Variants in SGCG observed in about 807,000 individuals in gnomAD.
SGCG encodes gamma-sarcoglycan.
Under a neutral mutation model 29.3 loss-of-function variants are expected in SGCG, and 26 were observed. The observed-to-expected ratio is 0.89, with a 90% CI of 0.65 to 1.23. The LOEUF is 1.23. Among genes scored for constraint, SGCG ranks in the 50% most tolerant of loss-of-function variants. SGCG has a pLI of 0.00. For missense variants in SGCG, 353 were observed against 356.0 expected, an observed-to-expected ratio of 0.99 and a Z score of 0.07; for synonymous variants, 145 against 129.7, an observed-to-expected ratio of 1.12 and a Z score of -0.80.
At chr13:23,230,602 T>G (rs540682804) in intron 2 of SGCG, among the ~76,000 whole-genome samples, 1 of 152,318 alleles carries the variant, frequency 6.6e-6, no homozygotes, top group African/African-American at 2.4e-5. Context: ...TGTTAATGTA[T>G]AGGGATGCTA....
chr13:23,265,872 A>G (rs1362256706), intron 4 of SGCG, among the ~76,000 whole-genome samples: 3 of 152,162 alleles, frequency 2.0e-5, no homozygotes, highest in African/African-American at 7.2e-5. Context: ...AGATTTCTCA[A>G]AGAACTAAAA....
At chr13:23,298,373 A>C (rs1054547215) in intron 6 of SGCG, among the ~76,000 whole-genome samples, 1 of 152,076 alleles carries the variant, frequency 6.6e-6, no homozygotes, top group Admixed American at 6.5e-5. Flanking sequence ...AGGGAAAAAA[A>C]AATTGTTATT....
chr13:23,304,610 C>A (rs150099422), intron 6 of SGCG, among the ~76,000 whole-genome samples: 1 of 149,974 alleles, frequency 6.7e-6, no homozygotes, highest in Admixed American at 6.7e-5. Context: ...TTTTTGGCGG[C>A]GGGGAGGGGA....
intron 6 of SGCG, among the ~76,000 whole-genome samples, chr13:23,314,946 A>G (rs1882751906): frequency 6.6e-6 from 1 of 152,144 alleles, no homozygotes. Context: ...AAAGGCTGCC[A>G]GTTTTTAGTG....
chr13:23,182,386 C>T (rs546988522), intron 1 of SGCG, among the ~76,000 whole-genome samples: 3 of 152,218 alleles, frequency 2.0e-5, no homozygotes, highest in East Asian at 1.9e-4. Flanking sequence ...GAAACTACAG[C>T]GTCCTGAGGA....
At chr13:23,228,262 CCTGAATTTG>C (rs1566008397) in intron 2 of SGCG, among the ~76,000 whole-genome samples, 1 of 152,076 alleles carries the variant, frequency 6.6e-6, no homozygotes, top group African/African-American at 2.4e-5. Flanking sequence ...GTAAATTACA[CCTGAATTTG>C]TCCGACTTGT....
chr13:23,173,915 A>G, the SGCG span, among the ~76,000 whole-genome samples: 1 of 152,220 alleles, frequency 6.6e-6, no homozygotes, highest in East Asian at 1.9e-4. Flanking sequence ...AATGAAAATT[A>G]GGACAGAATT....
chr13:23,320,611 T>TTC, intron 6 of SGCG, 26 bp from the exon 7 acceptor site: 1 of 1,472,148 alleles, frequency 6.8e-7, no homozygotes, highest in Non-Finnish European at 9.2e-7. Flanking sequence ...TTTTTTTTTT[T>TTC]TTTGTGCTTC....
chr13:23,261,207 C>G (rs538512838), intron 4 of SGCG, among the ~76,000 whole-genome samples: 1 of 151,976 alleles, frequency 6.6e-6, no homozygotes, highest in African/African-American at 2.4e-5. Context: ...TCACGTAGTC[C>G]CATATTTCTT....
the SGCG span, among the ~76,000 whole-genome samples, chr13:23,166,111 T>A: frequency 1.3e-5 from 2 of 152,192 alleles, no homozygotes; most frequent in Non-Finnish European, 2.9e-5. Context: ...TTCCTTGCCT[T>A]GTCCCTGGTC....
At chr13:23,291,175 G>A (rs1020728199) in intron 5 of SGCG, among the ~76,000 whole-genome samples, 1 of 152,116 alleles carries the variant, frequency 6.6e-6, no homozygotes. Flanking sequence ...AACATTATTA[G>A]ACTAGGCTTT....
chr13:23,167,654 G>T, the SGCG span, among the ~76,000 whole-genome samples: 2 of 152,088 alleles, frequency 1.3e-5, no homozygotes, highest in East Asian at 3.9e-4. Flanking sequence ...GATGATCAAT[G>T]ATGTTAAGCA....
intron 3 of SGCG, among the ~76,000 whole-genome samples, chr13:23,248,908 G>C (rs4770419): frequency 6.7e-6 from 1 of 148,152 alleles, no homozygotes; most frequent in Non-Finnish European, 1.5e-5. Flanking sequence ...GGAGAATGGC[G>C]TGAACCCGGG....
chr13:23,268,889 T>A (rs1344312405), intron 4 of SGCG: 1 of 106,322 alleles, frequency 9.4e-6, no homozygotes, highest in African/African-American at 2.9e-5. Context: ...GTTGAGGATA[T>A]TGAACGCTTT....
intron 6 of SGCG, among the ~76,000 whole-genome samples, chr13:23,295,785 A>G (rs1286991110): frequency 6.6e-6 from 1 of 152,198 alleles, no homozygotes; most frequent in East Asian, 1.9e-4. Context: ...AAGCTGGTTA[A>G]AATGCTTCAT....
chr13:23,231,611 C>T (rs573688114), intron 2 of SGCG, among the ~76,000 whole-genome samples: 5 of 152,224 alleles, frequency 3.3e-5, no homozygotes, highest in African/African-American at 7.2e-5. Context: ...AACTCTAGGC[C>T]ATAAAATCTT....
chr13:23,321,733 A>G (rs1883048523), intron 7 of SGCG, among the ~76,000 whole-genome samples: 1 of 151,888 alleles, frequency 6.6e-6, no homozygotes, highest in African/African-American at 2.4e-5. Flanking sequence ...TTTCCATTTA[A>G]TATTATCCAG....
intron 2 of SGCG, among the ~76,000 whole-genome samples, chr13:23,229,157 T>C (rs1879013345): frequency 6.6e-6 from 1 of 152,156 alleles, no homozygotes; most frequent in Non-Finnish European, 1.5e-5. Context: ...GGAACTGTAA[T>C]CCCAGTGTGA....
intron 6 of SGCG, among the ~76,000 whole-genome samples, chr13:23,306,993 CT>C (rs1438741875): frequency 6.6e-6 from 1 of 152,150 alleles, no homozygotes; most frequent in African/African-American, 2.4e-5. Flanking sequence ...ATAAGTTGCC[CT>C]TTTCAAGAAG....
Sources: gnomAD v4.1 joint callset for allele counts (sites outside exome capture counted in the v4.1 genomes callset) on GRCh38, gnomAD v4.1.1 for gene constraint, MANE v1.5 for transcripts, NCBI Gene and HGNC (gene_info 2026-07-23, HGNC 2026-07-21) for gene names.